TMEM248: variants seen among roughly 807,000 people sequenced by gnomAD.
The protein encoded by TMEM248 is transmembrane protein 248.
Under a neutral mutation model 30.3 loss-of-function variants are expected in TMEM248, and 9 were observed. That is an observed-to-expected ratio of 0.30 (90% CI 0.18 to 0.52). TMEM248 has a LOEUF of 0.52. TMEM248 is among the 20% of genes least tolerant of loss of function. The pLI, the probability that TMEM248 is intolerant of heterozygous loss-of-function variation, is 0.97. For missense variants in TMEM248, 338 were observed against 403.3 expected, an observed-to-expected ratio of 0.84 and a Z score of 1.39; for synonymous variants, 184 against 154.4, an observed-to-expected ratio of 1.19 and a Z score of -1.42.
intron 1 of TMEM248, among the ~76,000 whole-genome samples, chr7:66,929,848 GA>G (rs1650374952): frequency 6.6e-6 from 1 of 152,112 alleles, no homozygotes; most frequent in Non-Finnish European, 1.5e-5. Flanking sequence ...CTGGTTGTAG[GA>G]GAGCCAGAGT....
At chr7:66,934,856 A>G (rs1791761808) in intron 1 of TMEM248, among the ~76,000 whole-genome samples, 1 of 152,162 alleles carries the variant, frequency 6.6e-6, no homozygotes, top group South Asian at 2.1e-4. Context: ...GTTCAAGACC[A>G]GTCTGGTCAA....
In TMEM248 at chr7:66,921,400, G is replaced by T. The variant is rs1308552413; in HGVS notation, c.-80G>T. On this transcript the variant is annotated 5_prime_UTR_variant, in exon 1 of 7. Coordinates refer to ENST00000341567, the MANE Select transcript of TMEM248 (RefSeq NM_017994.5). ...CCACGAGTGAGCCCAGCGCGACCGC[G>T]GGCGTCCGCCGAGCAGCTGGCCCGG... The T allele has an allele frequency of 1.3e-5, 2 of 149,842 alleles. No individual in the cohort carries two copies. The highest frequency in any genetic ancestry group is 4.9e-5 in the African/African-American group (2 of 41,170). 9.3% of individuals were successfully genotyped at this position (149,842 alleles called of 1,614,324 possible).
intron 1 of TMEM248, among the ~76,000 whole-genome samples, chr7:66,927,508 G>A (rs1432677612): frequency 1.3e-5 from 2 of 150,952 alleles, no homozygotes; most frequent in South Asian, 2.1e-4. Context: ...GACCATAGCC[G>A]TGGCTCACAG....
At chr7:66,939,592 G>A (rs543021647) in intron 1 of TMEM248, among the ~76,000 whole-genome samples, 3 of 152,334 alleles carry the variant, frequency 2.0e-5, no homozygotes, top group Non-Finnish European at 4.4e-5. Flanking sequence ...TGCTCATTGT[G>A]TGCCAGCTAC....
intron 1 of TMEM248, chr7:66,930,524 T>G (rs1254323586): frequency 6.6e-6 from 1 of 152,210 alleles, no homozygotes; most frequent in African/African-American, 2.4e-5. Context: ...GGACTGGAGC[T>G]CCAGCTTTGG....
intron 1 of TMEM248, among the ~76,000 whole-genome samples, chr7:66,923,141 AAACT>A (rs1198782789): frequency 3.3e-5 from 5 of 151,304 alleles, no homozygotes; most frequent in African/African-American, 1.2e-4. Context: ...TTAGGATCAG[AAACT>A]AACTTTTTTT....
chr7:66,938,481 A>G (rs748118926), intron 1 of TMEM248, among the ~76,000 whole-genome samples: 7 of 152,118 alleles, frequency 4.6e-5, no homozygotes, highest in Non-Finnish European at 7.3e-5. Context: ...TAATACTATT[A>G]AAAATATCAA....
chr7:66,928,342 T>C (rs1791576578), intron 1 of TMEM248, among the ~76,000 whole-genome samples: 1 of 152,212 alleles, frequency 6.6e-6, no homozygotes, highest in Non-Finnish European at 1.5e-5. Context: ...GTTTTTTTTT[T>C]TCACTTTGGC....
intron 1 of TMEM248, among the ~76,000 whole-genome samples, chr7:66,934,349 C>T (rs552572845): frequency 5.2e-4 from 79 of 152,202 alleles, no homozygotes; most frequent in South Asian, 2.7e-3. Context: ...TACAGGCACA[C>T]GCCGCCATGC....
chr7:66,926,511 A>G (rs1694466267), intron 1 of TMEM248, among the ~76,000 whole-genome samples: 1 of 152,052 alleles, frequency 6.6e-6, no homozygotes, highest in Non-Finnish European at 1.5e-5. Context: ...GCATGCTTAC[A>G]AGCTACTTCA....
intron 1 of TMEM248, among the ~76,000 whole-genome samples, chr7:66,928,181 C>T (rs560948350): frequency 6.6e-6 from 1 of 152,040 alleles, no homozygotes; most frequent in Admixed American, 6.6e-5. Context: ...TGCCATTGCA[C>T]TCCAGCCTGG....
At chr7:66,952,790 C>T (rs758380094) in intron 5 of TMEM248, among the ~76,000 whole-genome samples, 3 of 152,206 alleles carry the variant, frequency 2.0e-5, no homozygotes, top group African/African-American at 4.8e-5. Context: ...GTGCCGAGGC[C>T]TTCCTGGTGG....
intron 6 of TMEM248, among the ~76,000 whole-genome samples, chr7:66,955,073 G>A (rs1322019967): frequency 6.6e-6 from 1 of 152,160 alleles, no homozygotes; most frequent in Non-Finnish European, 1.5e-5. Flanking sequence ...GACCAGCCTG[G>A]GCAACATAGT....
At position 66,950,858 on chromosome 7, in the gene TMEM248, C is replaced by T. The variant is rs1018831765; in HGVS notation, c.597-94C>T. ...CATTTTTCCTTTCCATGTGTGTTGC[C>T]GTGTTCAGTGTTTTACCAGCTGCTG... On this transcript the variant is annotated intron_variant, in intron 4 of 6. Transcript: ENST00000341567. The T allele has an allele frequency of 1.9e-5, 19 of 1,011,666 alleles. No homozygotes were observed. The Admixed American group carries it at 4.7e-4, about 25-fold the overall frequency. 62.7% of individuals were successfully genotyped at this position (1,011,666 alleles called of 1,614,324 possible).
At chr7:66,927,991 G>C (rs1437139521) in intron 1 of TMEM248, among the ~76,000 whole-genome samples, 2 of 152,148 alleles carry the variant, frequency 1.3e-5, no homozygotes, top group African/African-American at 4.8e-5. Flanking sequence ...AAGGCAGGTG[G>C]ATCACCTGAG....
intron 1 of TMEM248, among the ~76,000 whole-genome samples, chr7:66,939,069 A>T (rs1053268231): frequency 6.6e-6 from 1 of 152,256 alleles, no homozygotes; most frequent in South Asian, 2.1e-4. Flanking sequence ...CATTTAAAAT[A>T]ATAGAGATAT....
intron 5 of TMEM248, 39 bp downstream of exon 5, chr7:66,951,174 G>A (rs758726135): frequency 6.6e-7 from 1 of 1,518,134 alleles, no homozygotes; most frequent in Non-Finnish European, 8.9e-7. Flanking sequence ...GTGCGTGCAT[G>A]CATATGCACA....
chr7:66,928,954 A>C (rs1253589447), intron 1 of TMEM248, among the ~76,000 whole-genome samples: 2 of 151,874 alleles, frequency 1.3e-5, no homozygotes, highest in Non-Finnish European at 2.9e-5. Context: ...CACCCAGCTA[A>C]ATTTTGTATT....
chr7:66,945,128 G>A lies in TMEM248; in HGVS notation c.312G>A (p.Leu104=), dbSNP rs756993895. ...CTTCCACCCAGTCCCCCCAGGCCCT[G>A]GAGGACTCGGGCCCGGTGAATATCT... ...ARASTQSPQA[L]EDSGPVNISV... Residue 104 remains leucine (L), a synonymous_variant, in exon 3 of 7, where the codon CTG becomes CTA. Transcript: ENST00000341567. 4 of 1,614,226 alleles carry A rather than the reference G, an allele frequency of 2.5e-6. No homozygotes were observed. In the South Asian group the frequency reaches 4.4e-5, roughly 18 times the overall value.
Sources: allele counts gnomAD v4.1 joint callset (sites outside exome capture counted in the v4.1 genomes callset), GRCh38; gene constraint gnomAD v4.1.1; transcripts MANE v1.5; gene names NCBI Gene and HGNC (gene_info 2026-07-23, HGNC 2026-07-21).